TBC1D14: variants seen among roughly 807,000 people sequenced by gnomAD.
TBC1D14 encodes the protein TBC1 domain family, member 14.
In TBC1D14, 26 loss-of-function variants were observed where a neutral mutation model predicts 79.0. The observed-to-expected ratio is 0.33, with a 90% confidence interval of 0.24 to 0.46. TBC1D14 has a LOEUF of 0.46. Among genes scored for constraint, TBC1D14 ranks in the 20% least tolerant of loss-of-function variants. The pLI is 1.00. For missense variants in TBC1D14, 769 were observed against 887.6 expected (o/e 0.87, Z 1.70); for synonymous variants, 394 against 349.9 (o/e 1.13, Z -1.40).
intron 3 of TBC1D14, 79 bp from the exon 4 acceptor site, chr4:6,994,105 C>A: frequency 7.8e-7 from 1 of 1,281,850 alleles, no homozygotes; most frequent in Non-Finnish European, 1.1e-6. Flanking sequence ...AGTTTCATGA[C>A]AAAACAACTT....
At chr4:7,012,215 T>C (rs1473368955) in intron 11 of TBC1D14, among the ~76,000 whole-genome samples, 2 of 149,004 alleles carry the variant, frequency 1.3e-5, no homozygotes, top group Non-Finnish European at 3.0e-5. Context: ...GGCAGGAGAA[T>C]GGCGTGAACC....
Position 7,009,958 on chromosome 4 carries a change from G to A in TBC1D14, c.1518+10G>A. ...GCCAGATGTGGGTTATGTAAGTGAA[G>A]TTTCTCAGTATTTTATAATGTTGTT... On this transcript the variant is annotated intron_variant, in intron 10 of 13. Transcript: ENST00000409757. 4 of 1,613,940 alleles carry A rather than the reference G, an allele frequency of 2.5e-6. No individual in the cohort carries two copies. The highest frequency in any genetic ancestry group is 3.4e-6 in the Non-Finnish European group (4 of 1,179,848).
intron 1 of TBC1D14, among the ~76,000 whole-genome samples, chr4:6,912,129 G>A (rs965428615): frequency 1.3e-5 from 2 of 152,128 alleles, no homozygotes; most frequent in Non-Finnish European, 2.9e-5. Flanking sequence ...AGTGGCTCAT[G>A]CCTGTAAACC....
At chr4:6,939,419 C>G (rs1257386227) in intron 2 of TBC1D14, among the ~76,000 whole-genome samples, 1 of 151,968 alleles carries the variant, frequency 6.6e-6, no homozygotes, top group Non-Finnish European at 1.5e-5. Flanking sequence ...ACCAGGTCCC[C>G]CCCAGAAGCA....
At position 6,950,587 on chromosome 4, in the gene TBC1D14, A is replaced by AG. The variant is rs1279307123; in HGVS notation, c.723-16716dup. ...TTACTCTTTATTAGATACCTTTATT[A>AG]GATAAGGAAGTCTCCTTTTAGTCCT... On this transcript the variant is annotated intron_variant, in intron 2 of 13. Transcript: ENST00000409757. Among the ~76,000 whole-genome samples, 16 of 28,958 alleles carry AG rather than the reference A, an allele frequency of 5.5e-4. 1 individual carries two copies. The highest frequency in any genetic ancestry group is 3.1e-3 in the Admixed American group (9 of 2,876). 19.0% of individuals were successfully genotyped at this position (28,958 alleles called of 152,430 possible).
chr4:6,996,551 A>C, intron 5 of TBC1D14, 144 bp downstream of exon 5: 1 of 628,012 alleles, frequency 1.6e-6, no homozygotes, highest in Non-Finnish European at 2.7e-6. Context: ...AAAAAAAAAG[A>C]TGCATGCGGA....
chr4:6,995,476 T>G (rs1048962344), intron 4 of TBC1D14: 1 of 152,162 alleles, frequency 6.6e-6, no homozygotes, highest in Admixed American at 6.5e-5. Flanking sequence ...TGGATAATTG[T>G]TATTTTCTTC....
chr4:7,026,099 C>T (rs1362428828), intron 13 of TBC1D14, among the ~76,000 whole-genome samples: 1 of 152,034 alleles, frequency 6.6e-6, no homozygotes, highest in Non-Finnish European at 1.5e-5. Flanking sequence ...CCCCGCCTCC[C>T]AGGCTCAGGT....
chr4:6,972,913 G>C (rs1038641140), intron 3 of TBC1D14, among the ~76,000 whole-genome samples: 1 of 152,180 alleles, frequency 6.6e-6, no homozygotes, highest in Non-Finnish European at 1.5e-5. Context: ...CTGAAAATAC[G>C]TGGGGATGCT....
At chr4:6,960,114 C>A (rs1715050360) in intron 2 of TBC1D14, among the ~76,000 whole-genome samples, 1 of 135,320 alleles carries the variant, frequency 7.4e-6, no homozygotes, top group African/African-American at 2.7e-5. Flanking sequence ...CAGAGTCTGG[C>A]TCTGTCACCC....
At chr4:6,948,700 G>T (rs1713722801) in intron 2 of TBC1D14, among the ~76,000 whole-genome samples, 1 of 146,268 alleles carries the variant, frequency 6.8e-6, no homozygotes, top group African/African-American at 2.6e-5. Flanking sequence ...CAAGGTAGGG[G>T]TACTTGGTTT....
intron 2 of TBC1D14, among the ~76,000 whole-genome samples, chr4:6,950,292 A>T (rs1713912625): frequency 6.6e-6 from 1 of 152,198 alleles, no homozygotes; most frequent in Non-Finnish European, 1.5e-5. Context: ...GGCCTTGCTA[A>T]CTTCGGTTAC....
chr4:7,024,041 T>C (rs2109311754), intron 12 of TBC1D14, among the ~76,000 whole-genome samples: 1 of 152,318 alleles, frequency 6.6e-6, no homozygotes, highest in African/African-American at 2.4e-5. Flanking sequence ...TGCACGTCCA[T>C]AACTGCATGT....
At chr4:7,013,719 G>A (rs1374026286) in intron 11 of TBC1D14, among the ~76,000 whole-genome samples, 2 of 150,544 alleles carry the variant, frequency 1.3e-5, no homozygotes, top group Non-Finnish European at 2.9e-5. Context: ...GGGGTTGGAC[G>A]AGGCATGCCT....
At chr4:6,989,252 C>T (rs983488124) in intron 3 of TBC1D14, among the ~76,000 whole-genome samples, 4 of 152,148 alleles carry the variant, frequency 2.6e-5, no homozygotes, top group African/African-American at 9.7e-5. Flanking sequence ...CTCCCCATAC[C>T]TCATAGTCTC....
chr4:6,947,633 G>A (rs1394287210), intron 2 of TBC1D14, among the ~76,000 whole-genome samples: 3 of 146,732 alleles, frequency 2.0e-5, no homozygotes, highest in Admixed American at 7.0e-5. Context: ...CGGCACTCCC[G>A]CCTGGGCAGC....
chr4:6,928,327 G>A (rs956021467), intron 2 of TBC1D14, among the ~76,000 whole-genome samples: 10 of 152,286 alleles, frequency 6.6e-5, no homozygotes, highest in Middle Eastern at 3.4e-3. Context: ...GAGCTCCTTG[G>A]GGGCAGAGCC....
At chr4:7,024,750 C>A (rs1175821727) in intron 12 of TBC1D14, among the ~76,000 whole-genome samples, 1 of 152,234 alleles carries the variant, frequency 6.6e-6, no homozygotes, top group African/African-American at 2.4e-5. Context: ...AGCACATATT[C>A]CTTGCAGGCA....
At chr4:6,938,443 C>T (rs960228995) in intron 2 of TBC1D14, among the ~76,000 whole-genome samples, 2 of 152,186 alleles carry the variant, frequency 1.3e-5, no homozygotes, top group East Asian at 1.9e-4. Context: ...GAGCGTGAGG[C>T]GCCACTTCCT....
Sources: allele counts gnomAD v4.1 joint callset (sites outside exome capture counted in the v4.1 genomes callset), GRCh38; gene constraint gnomAD v4.1.1; transcripts MANE v1.5; gene names NCBI Gene and HGNC (gene_info 2026-07-23, HGNC 2026-07-21).